Variants in ME1 observed in about 807,000 individuals in gnomAD.
ME1 encodes malic enzyme 1.
Under a neutral mutation model 66.4 loss-of-function variants are expected in ME1, and 74 were observed. The ratio of observed to expected loss-of-function variants is 1.11; its 90% CI spans 0.92 to 1.35. ME1 has a LOEUF of 1.35. Among genes scored for constraint, ME1 ranks in the 40% most tolerant of loss-of-function variants. ME1 has a pLI of 0.00. For missense variants in ME1, 750 were observed against 694.1 expected (o/e 1.08, Z -0.90); for synonymous variants, 251 against 235.6 (o/e 1.07, Z -0.60).
At chr6:83,313,423 G>A (rs1357907103) in intron 6 of ME1, among the ~76,000 whole-genome samples, 2 of 151,788 alleles carry the variant, frequency 1.3e-5, no homozygotes, top group African/African-American at 2.4e-5. Context: ...CTTCATTCTG[G>A]ATTGATATAA....
rs76882518 is a variant in ME1 at position 83,280,267 on chromosome 6, C to T, written c.705-26529G>A. On this transcript the variant is annotated intron_variant, in intron 6 of 13. Coordinates refer to ENST00000369705, the MANE Select transcript of ME1 (RefSeq NM_002395.6). ...CAACCATTTTTTTAAAAAATAATAA[C>T]AACAACAATATATTCCATAATTATA... Among the ~76,000 whole-genome samples the T allele has an allele frequency of 5.0e-3, 761 of 152,060 alleles. 3 individuals are homozygous for T. The highest frequency in any genetic ancestry group is 0.017 in the African/African-American group (703 of 41,500).
intron 3 of ME1, among the ~76,000 whole-genome samples, chr6:83,369,935 TAA>T (rs1769165772): frequency 6.6e-6 from 1 of 152,154 alleles, no homozygotes; most frequent in South Asian, 2.1e-4. Context: ...TTCAATGTTT[TAA>T]AAGACAACCC....
intron 3 of ME1, among the ~76,000 whole-genome samples, chr6:83,360,938 G>A (rs755995662): frequency 7.9e-5 from 12 of 152,188 alleles, no homozygotes; most frequent in Admixed American, 3.9e-4. Context: ...CTCCATTGCT[G>A]TCCATAAGGC....
intron 6 of ME1, among the ~76,000 whole-genome samples, chr6:83,268,828 G>A (rs1194657470): frequency 6.6e-6 from 1 of 151,708 alleles, no homozygotes; most frequent in African/African-American, 2.4e-5. Flanking sequence ...CTGAGCTCAA[G>A]CAATCTGCCA....
rs57683304 is a variant in ME1 at position 83,388,091 on chromosome 6, C to CTTTTTTTTTTTTT, written c.362+10275_362+10276insAAAAAAAAAAAAA. On this transcript the variant is annotated intron_variant, in intron 3 of 13. Transcript: ENST00000369705. ...TCTTCCTTCTTTCCTTCCTTCCTTC[C>CTTTTTTTTTTTTT]TTTTTTTTTTTGGACAGGATCTCAC... Among the ~76,000 whole-genome samples the CTTTTTTTTTTTTT allele has an allele frequency of 8.9e-4, 119 of 133,380 alleles. 4 individuals are homozygous for CTTTTTTTTTTTTT. Among genetic ancestry groups the CTTTTTTTTTTTTT allele is most frequent in the Middle Eastern group, 4.4e-3 (1 of 228 alleles). The allele number at this position is 133,380 out of a possible 152,430, so 87.5% of individuals were successfully genotyped here.
chr6:83,373,644 A>G (rs756722039), intron 3 of ME1, among the ~76,000 whole-genome samples: 2 of 152,190 alleles, frequency 1.3e-5, no homozygotes, highest in Non-Finnish European at 2.9e-5. Flanking sequence ...ATACATGTGT[A>G]CAGAACATGC....
chr6:83,212,022 G>C lies in ME1; in HGVS notation c.1621C>G (p.Arg541Gly). Residue 541 changes from arginine to glycine, a missense_variant, in exon 14 of 14, where the codon CGC (arginine) becomes GGC (glycine). Physicochemically the swap from Arg to Gly is moderately radical, Grantham distance 125 (BLOSUM62 -2). Transcript: ENST00000369705. ...TAATCAGTACTATACATCTGGGAGC[G>C]GACAAATGCTTCTTTGTTTTGCGGT... ...PEPQNKEAFV[R>G]SQMYSTDYDQ... The C allele has an allele frequency of 6.2e-7, 1 of 1,612,772 alleles. No individual in the cohort carries two copies. The highest frequency in any genetic ancestry group is 8.5e-7 in the Non-Finnish European group (1 of 1,179,200).
intron 1 of ME1, among the ~76,000 whole-genome samples, chr6:83,416,893 TAAAA>T (rs34223363): frequency 1.6e-5 from 2 of 123,922 alleles, no homozygotes; most frequent in Non-Finnish European, 1.7e-5. Context: ...GAGATTTGTC[TAAAA>T]AAAAAAAAAA....
intron 12 of ME1, among the ~76,000 whole-genome samples, chr6:83,220,946 G>A (rs1258003815): frequency 6.6e-6 from 1 of 152,128 alleles, no homozygotes; most frequent in South Asian, 2.1e-4. Flanking sequence ...TGATCACAAG[G>A]TCAAGAGATC....
chr6:83,417,169 C>T (rs1770177137), intron 1 of ME1, among the ~76,000 whole-genome samples: 1 of 152,100 alleles, frequency 6.6e-6, no homozygotes, highest in Non-Finnish European at 1.5e-5. Context: ...CTTGCCTTAG[C>T]TTCTTGAGTA....
intron 7 of ME1, among the ~76,000 whole-genome samples, chr6:83,245,514 T>C (rs1472755900): frequency 6.6e-6 from 1 of 152,148 alleles, no homozygotes; most frequent in East Asian, 1.9e-4. Context: ...CAAGCGATTC[T>C]CCTGCCTCAG....
At chr6:83,416,184 CAT>C (rs1293674816) in intron 1 of ME1, among the ~76,000 whole-genome samples, 1 of 152,074 alleles carries the variant, frequency 6.6e-6, no homozygotes, top group African/African-American at 2.4e-5. Flanking sequence ...ACACATAGTA[CAT>C]GTTATGTGTG....
rs144148101 is a variant in ME1, at chr6:83,414,784, T to C, written c.79-6883A>G. ...TGTCAACACTAAATTTTCCCAAATA[T>C]ATCTCTTGAAATCATTGAAATCATT... On this transcript the variant is annotated intron_variant, in intron 1 of 13. Transcript: ENST00000369705. Among the ~76,000 whole-genome samples the C allele has an allele frequency of 4.8e-3, 726 of 152,318 alleles. 3 individuals carry two copies. Among genetic ancestry groups the C allele is most frequent in the African/African-American group, 0.016 (665 of 41,568 alleles).
At chr6:83,213,788 A>G (rs1198475861) in intron 13 of ME1, among the ~76,000 whole-genome samples, 1 of 152,228 alleles carries the variant, frequency 6.6e-6, no homozygotes, top group Non-Finnish European at 1.5e-5. Context: ...ATGAACAATT[A>G]AGGTTATGAA....
intron 2 of ME1, among the ~76,000 whole-genome samples, chr6:83,399,213 C>T (rs1769799155): frequency 6.6e-6 from 1 of 151,784 alleles, no homozygotes; most frequent in Non-Finnish European, 1.5e-5. Context: ...CCAGGCTGGT[C>T]TTGAACTCCT....
chr6:83,267,956 TCA>T (rs1197795723), intron 6 of ME1, among the ~76,000 whole-genome samples: 1 of 152,206 alleles, frequency 6.6e-6, no homozygotes, highest in Non-Finnish European at 1.5e-5. Flanking sequence ...AATTCAAGTG[TCA>T]CATTCTTCTT....
In ME1 at chr6:83,315,345, A is replaced by G; in HGVS notation, c.669T>C (p.Asp223=). Reference sequence around the variant, plus strand: ...CTGCCTCCATGAATTCGTCCAAAAAATCATCATATTCAGAACCTCTTACTC... The same window carrying G: ...CTGCCTCCATGAATTCGTCCAAAAAGTCATCATATTCAGAACCTCTTACTC... ...QRRVRGSEYD[D]FLDEFMEAVS... Residue 223 remains aspartate, a synonymous_variant, in exon 6 of 14, where the codon GAT becomes GAC. Transcript: ENST00000369705. 6.2e-7 allele frequency: 1 copy of G among 1,612,238 alleles called. No individual in the cohort carries two copies. Among genetic ancestry groups the G allele is most frequent in the Non-Finnish European group, 8.5e-7 (1 of 1,178,954 alleles).
At chr6:83,429,920 C>T (rs1026103698) in intron 1 of ME1, among the ~76,000 whole-genome samples, 4 of 152,020 alleles carry the variant, frequency 2.6e-5, no homozygotes, top group African/African-American at 9.7e-5. Context: ...ATGTCCAAAG[C>T]GCACGCACAC....
chr6:83,370,017 G>A (rs2128547107), intron 3 of ME1, among the ~76,000 whole-genome samples: 1 of 152,132 alleles, frequency 6.6e-6, no homozygotes, highest in African/African-American at 2.4e-5. Flanking sequence ...AAAGATAATA[G>A]TTCTTAAATA....
Sources: allele counts gnomAD v4.1 joint callset (sites outside exome capture counted in the v4.1 genomes callset), GRCh38; gene constraint gnomAD v4.1.1; transcripts MANE v1.5; gene names NCBI Gene and HGNC (gene_info 2026-07-23, HGNC 2026-07-21).